Variants in NUP210L observed in about 807,000 individuals in gnomAD.
NUP210L encodes nuclear pore membrane glycoprotein 210-like.
In NUP210L, 74 loss-of-function variants were observed where a neutral mutation model predicts 208.5. That is an observed-to-expected ratio of 0.35 (90% CI 0.29 to 0.43). NUP210L has a LOEUF of 0.43. NUP210L is among the 20% of genes least tolerant of loss of function. The pLI, the probability that NUP210L is intolerant of heterozygous loss-of-function variation, is 1.00. For missense variants in NUP210L, 1,843 were observed against 2,289.4 expected, an observed-to-expected ratio of 0.81 and a Z score of 3.98; for synonymous variants, 780 against 816.9, an observed-to-expected ratio of 0.95 and a Z score of 0.77.
chr1:154,003,658 A>G (rs1571153725), intron 35 of NUP210L, among the ~76,000 whole-genome samples: 1 of 151,520 alleles, frequency 6.6e-6, no homozygotes, highest in East Asian at 2.0e-4. Context: ...ATGCCTGGCT[A>G]TTTTATTTTT....
At chr1:154,154,807 G>C in intron 1 of NUP210L, 35 bp downstream of exon 1, 1 of 1,517,220 alleles carries the variant, frequency 6.6e-7, no homozygotes, top group African/African-American at 1.4e-5. Flanking sequence ...GGATGGTAGT[G>C]AGGGTGCATA....
chr1:153,998,085 T>TC (rs1394373164), intron 37 of NUP210L, among the ~76,000 whole-genome samples: 1 of 152,098 alleles, frequency 6.6e-6, no homozygotes, highest in Non-Finnish European at 1.5e-5. Context: ...TTCTTTTTTT[T>TC]CTCTATACAT....
chr1:154,027,121 A>G (rs1651941208), intron 29 of NUP210L, among the ~76,000 whole-genome samples: 1 of 151,532 alleles, frequency 6.6e-6, no homozygotes, highest in African/African-American at 2.4e-5. Context: ...CAAAAAACAC[A>G]AAACGTTGCA....
chr1:154,060,501 G>C (rs1290347317), intron 20 of NUP210L, 39 bp downstream of exon 20: 1 of 1,281,252 alleles, frequency 7.8e-7, no homozygotes, highest in Non-Finnish European at 1.1e-6. Context: ...ATGAGCTTTG[G>C]CCTGAGACCA....
chr1:154,130,295 C>T (rs987356027), intron 7 of NUP210L, among the ~76,000 whole-genome samples: 5 of 151,976 alleles, frequency 3.3e-5, no homozygotes, highest in Non-Finnish European at 7.4e-5. Flanking sequence ...GCTGAGATTG[C>T]GCCATTGCAC....
At chr1:154,145,290 C>A (rs910977361) in intron 2 of NUP210L, among the ~76,000 whole-genome samples, 43 of 151,676 alleles carry the variant, frequency 2.8e-4, no homozygotes, top group African/African-American at 9.7e-4. Context: ...TGGTGGTGCA[C>A]GCCTGTAGTC....
At chr1:154,025,019 C>A (rs964861485) in intron 30 of NUP210L, among the ~76,000 whole-genome samples, 3 of 151,068 alleles carry the variant, frequency 2.0e-5, no homozygotes, top group Non-Finnish European at 4.4e-5. Context: ...GCTCCGCCCC[C>A]CGGGGTTCAC....
At chr1:154,130,310 T>C (rs1488119565) in intron 7 of NUP210L, among the ~76,000 whole-genome samples, 3 of 151,908 alleles carry the variant, frequency 2.0e-5, no homozygotes, top group Admixed American at 6.6e-5. Context: ...TTGCACTCTG[T>C]CACCCAGGCT....
Position 154,079,326 on chromosome 1 carries a change from A to G in NUP210L, c.2362-8861T>C, listed in dbSNP as rs953499844. 2.6e-5 allele frequency: 4 copies of G among 152,084 alleles called. No individual in the cohort carries two copies. In the South Asian group the frequency reaches 8.3e-4, roughly 32 times the overall value. 9.4% of individuals were successfully genotyped at this position (152,084 alleles called of 1,614,324 possible). ...TTTTTTTTGAGAGGGGTCTTGCTAT[A>G]TTGCCCAGGCTAGGAGCAAACTCCT... On this transcript the variant is annotated intron_variant, in intron 16 of 39. Transcript: ENST00000368559.
intron 10 of NUP210L, among the ~76,000 whole-genome samples, chr1:154,120,010 A>G (rs1657532001): frequency 6.6e-6 from 1 of 152,192 alleles, no homozygotes; most frequent in Non-Finnish European, 1.5e-5. Flanking sequence ...AGTCCCACCA[A>G]CAGTGTAAAA....
rs1657398940 is a variant in NUP210L at position 154,117,705 on chromosome 1, A to C, written c.1620+20T>G. The C allele has an allele frequency of 1.3e-6, 2 of 1,598,754 alleles. No homozygotes were observed. Among genetic ancestry groups the C allele is most frequent in the South Asian group, 2.2e-5 (2 of 89,432 alleles). On this transcript the variant is annotated intron_variant, in intron 12 of 39. Transcript: ENST00000368559. ...CAGTAGTGTTGTAGGGGTAATAAGA[A>C]TATCTGGAGAGTCGTTTACCTTAAT...
At chr1:154,084,585 T>A (rs931933988) in intron 16 of NUP210L, among the ~76,000 whole-genome samples, 10 of 151,922 alleles carry the variant, frequency 6.6e-5, no homozygotes, top group South Asian at 4.2e-4. Context: ...TTTTAAAAAA[T>A]TTTTGTCTAT....
intron 10 of NUP210L, among the ~76,000 whole-genome samples, chr1:154,125,103 A>C (rs1357492769): frequency 6.6e-6 from 1 of 152,166 alleles, no homozygotes; most frequent in Non-Finnish European, 1.5e-5. Context: ...CTAGGAGTTC[A>C]AGACCAGCCT....
intron 7 of NUP210L, among the ~76,000 whole-genome samples, chr1:154,130,804 T>C (rs1247463390): frequency 2.0e-5 from 3 of 151,536 alleles, no homozygotes; most frequent in African/African-American, 7.3e-5. Flanking sequence ...AGACTGGTCT[T>C]AAACTCCTGG....
At chr1:154,047,776 C>A (rs1245366027) in intron 25 of NUP210L, among the ~76,000 whole-genome samples, 2 of 152,154 alleles carry the variant, frequency 1.3e-5, no homozygotes, top group African/African-American at 4.8e-5. Flanking sequence ...ACTCCACACT[C>A]TATATTTCTG....
chr1:154,006,967 T>TATA (rs57242105), intron 35 of NUP210L, among the ~76,000 whole-genome samples: 165 of 94,870 alleles, frequency 1.7e-3, no homozygotes, highest in Middle Eastern at 6.0e-3. Context: ...TATATATATA[T>TATA]TTTTTTTTTT....
intron 2 of NUP210L, among the ~76,000 whole-genome samples, chr1:154,152,463 C>A (rs929566773): frequency 6.7e-6 from 1 of 148,784 alleles, no homozygotes; most frequent in South Asian, 2.1e-4. Flanking sequence ...CGCGAGCCAC[C>A]GCCCCCAGCC....
chr1:154,071,627 CTTTTTTTTTT>C (rs893742878), intron 16 of NUP210L, among the ~76,000 whole-genome samples: 1 of 99,796 alleles, frequency 1.0e-5, no homozygotes, highest in Non-Finnish European at 1.9e-5. Context: ...CAATTCATTC[CTTTTTTTTTT>C]TTTTTTTTTT....
intron 21 of NUP210L, 85 bp downstream of exon 21, chr1:154,058,480 T>C: frequency 6.9e-7 from 1 of 1,456,956 alleles, no homozygotes; most frequent in Non-Finnish European, 9.3e-7. Context: ...ACACACACAG[T>C]AGCTGAGCAG....
Sources: gnomAD v4.1 joint callset for allele counts (sites outside exome capture counted in the v4.1 genomes callset) on GRCh38, gnomAD v4.1.1 for gene constraint, MANE v1.5 for transcripts, NCBI Gene and HGNC (gene_info 2026-07-23, HGNC 2026-07-21) for gene names.